Variants in USP24 observed in about 807,000 individuals in gnomAD.
USP24 encodes ubiquitin carboxyl-terminal hydrolase 24.
A neutral mutation model predicts 361.6 loss-of-function variants in USP24; 97 were observed. The observed-to-expected ratio is 0.27, with a 90% CI of 0.23 to 0.32. The LOEUF (loss-of-function observed/expected upper bound fraction) is 0.32, where lower values mean the gene tolerates loss of function less well. Ranked by LOEUF, USP24 falls within the 10% of genes least tolerant of loss-of-function variation. The pLI is 1.00. For synonymous variants in USP24, 1,098 were observed against 1,124.6 expected (o/e 0.98, Z 0.47); for missense variants, 2,353 against 3,165.6 (o/e 0.74, Z 6.16).
Position 55,129,509 on chromosome 1 carries a change from G to A in USP24, c.3603C>T (p.Phe1201=). 6.2e-7 allele frequency: 1 copy of A among 1,613,872 alleles called. No individual in the cohort carries two copies. The highest frequency in any genetic ancestry group is 8.5e-7 in the Non-Finnish European group (1 of 1,179,826). The stretch of plus-strand genomic sequence containing the variant: ...CGCCAGCTTTGAGGAAGTTTTCACA[G>A]AAGGATTTGGCACAGCTTCTGGCCA... ...DDMARSCAKS[F]CENFLKAGGL... The change falls in exon 32 of 68, where the codon TTC becomes TTT. Residue 1201 remains phenylalanine, a synonymous_variant. Coordinates refer to ENST00000294383, the MANE Select transcript of USP24 (RefSeq NM_015306.3).
intron 38 of USP24, among the ~76,000 whole-genome samples, chr1:55,117,620 C>T (rs11584901): frequency 0.1 from 15,301 of 151,214 alleles, 1,015 homozygotes; most frequent in Non-Finnish European, 0.15. Flanking sequence ...CCCAGCTACT[C>T]GGGAGGCTGA....
intron 45 of USP24, among the ~76,000 whole-genome samples, chr1:55,099,419 G>A (rs763831918): frequency 1.2e-4 from 18 of 152,060 alleles, no homozygotes; most frequent in Non-Finnish European, 2.6e-4. Flanking sequence ...TTAGCCGGGC[G>A]TGGTGGTGCA....
intron 19 of USP24, 90 bp from the exon 20 acceptor site, chr1:55,146,199 T>A: frequency 2.3e-6 from 2 of 888,736 alleles, no homozygotes; most frequent in Non-Finnish European, 3.6e-6. Context: ...TACATTTTAA[T>A]ACTTCAAATG....
chr1:55,201,552 G>A (rs1457137520), intron 1 of USP24, among the ~76,000 whole-genome samples: 4 of 117,620 alleles, frequency 3.4e-5, no homozygotes, highest in Non-Finnish European at 4.8e-5. Flanking sequence ...AATGAGCCGA[G>A]ATCACGCTAC....
chr1:55,102,944 C>A (rs1645674355), intron 42 of USP24, among the ~76,000 whole-genome samples: 1 of 152,122 alleles, frequency 6.6e-6, no homozygotes, highest in African/African-American at 2.4e-5. Flanking sequence ...AAGTGCTACT[C>A]CCTCTATTTA....
chr1:55,100,520 TA>T (rs1645607391), intron 44 of USP24, among the ~76,000 whole-genome samples: 5 of 152,106 alleles, frequency 3.3e-5, no homozygotes, highest in Admixed American at 1.3e-4. Context: ...AAGTGTTCTT[TA>T]TTTAAAGACA....
At chr1:55,172,231 G>T in intron 4 of USP24, 146 bp downstream of exon 4, 1 of 848,112 alleles carries the variant, frequency 1.2e-6, no homozygotes, top group Non-Finnish European at 1.6e-6. Context: ...TGGTTGCTCT[G>T]CTTTTAAAAT....
intron 16 of USP24, among the ~76,000 whole-genome samples, chr1:55,148,844 C>G (rs939492719): frequency 6.6e-6 from 1 of 152,142 alleles, no homozygotes; most frequent in African/African-American, 2.4e-5. Flanking sequence ...AAACAGACAA[C>G]AAGGAATTAG....
intron 46 of USP24, 141 bp downstream of exon 46, chr1:55,098,335 A>C: frequency 1.1e-6 from 1 of 893,000 alleles, no homozygotes; most frequent in Non-Finnish European, 1.6e-6. Context: ...AAGCAAAGAA[A>C]TTTAAGTCAC....
At position 55,071,941 on chromosome 1, in the gene USP24, C is replaced by T; in HGVS notation, c.7690-17G>A. 6.3e-7 allele frequency: 1 copy of T among 1,590,576 alleles called. No individual in the cohort carries two copies. Among genetic ancestry groups the T allele is most frequent in the Non-Finnish European group, 8.6e-7 (1 of 1,167,050 alleles). On this transcript the variant is annotated splice_polypyrimidine_tract_variant and intron_variant, in intron 66 of 67. Transcript: ENST00000294383. Reference sequence around the variant, plus strand: ...TAACGTGTCCTGCAGAAGATTCAAACACAAGACGACAAAGTTAGGGCCCAT... The same window carrying T: ...TAACGTGTCCTGCAGAAGATTCAAATACAAGACGACAAAGTTAGGGCCCAT...
chr1:55,196,798 G>A (rs1249047188), intron 1 of USP24, among the ~76,000 whole-genome samples: 4 of 152,206 alleles, frequency 2.6e-5, no homozygotes, highest in Non-Finnish European at 5.9e-5. Context: ...TATCGTGACA[G>A]TTGCCTGCAA....
chr1:55,132,438 C>T (rs1646619866), intron 31 of USP24, 107 bp downstream of exon 31: 2 of 1,296,328 alleles, frequency 1.5e-6, no homozygotes, highest in Non-Finnish European at 2.1e-6. Context: ...TTCAACCAAT[C>T]ATCACATAAC....
At chr1:55,122,358 C>T (rs1301965594) in intron 36 of USP24, among the ~76,000 whole-genome samples, 1 of 152,114 alleles carries the variant, frequency 6.6e-6, no homozygotes, top group Non-Finnish European at 1.5e-5. Context: ...GTGGCCGAAG[C>T]ACAGTGAGTA....
chr1:55,099,666 A>T, intron 45 of USP24, 105 bp downstream of exon 45: 1 of 757,854 alleles, frequency 1.3e-6, no homozygotes, highest in Non-Finnish European at 2.2e-6. Flanking sequence ...AAAGATAATC[A>T]ATTTCTGATT....
chr1:55,165,864 A>G (rs1340464448), intron 7 of USP24, 21 bp downstream of exon 7: 7 of 1,578,872 alleles, frequency 4.4e-6, no homozygotes, highest in Non-Finnish European at 6.0e-6. Context: ...CACAGTGAGC[A>G]TATACAGTAG....
At chr1:55,202,716 T>A (rs1644608577) in intron 1 of USP24, among the ~76,000 whole-genome samples, 1 of 152,206 alleles carries the variant, frequency 6.6e-6, no homozygotes, top group Non-Finnish European at 1.5e-5. Flanking sequence ...GTATACTGAC[T>A]CTTAAAGCTT....
chr1:55,096,919 AAGTG>A lies in USP24; in HGVS notation c.5936+29_5936+32del, dbSNP rs750272729. ...ATAACGGAGAGCAGGGGAGGGCAGA[AAGTG>A]AGTAAGTGCTGCCTCAGGAAACTCT... On this transcript the variant is annotated intron_variant, in intron 49 of 67. Coordinates refer to ENST00000294383, the MANE Select transcript of USP24 (RefSeq NM_015306.3). The A allele has an allele frequency of 5.0e-6, 8 of 1,599,408 alleles. No individual in the cohort carries two copies. The Admixed American group carries it at 5.2e-5, about 10-fold the overall frequency.
chr1:55,182,648 C>T (rs1644009264), intron 1 of USP24, among the ~76,000 whole-genome samples: 1 of 152,204 alleles, frequency 6.6e-6, no homozygotes, highest in African/African-American at 2.4e-5. Flanking sequence ...ACAATTCTCA[C>T]TTCTTTGATA....
intron 64 of USP24, chr1:55,073,104 G>T: frequency 2.1e-6 from 1 of 483,826 alleles, no homozygotes; most frequent in East Asian, 3.3e-5. Flanking sequence ...TTCAGTTTCA[G>T]AAGATGAAAA....
Sources: gnomAD v4.1 joint callset for allele counts (sites outside exome capture counted in the v4.1 genomes callset) on GRCh38, gnomAD v4.1.1 for gene constraint, MANE v1.5 for transcripts, NCBI Gene and HGNC (gene_info 2026-07-23, HGNC 2026-07-21) for gene names.